The following ZFPM2 variants were observed in gnomAD, a reference collection of about 807,000 sequenced individuals.
The protein encoded by ZFPM2 is zinc finger protein ZFPM2.
A neutral mutation model predicts 98.6 loss-of-function variants in ZFPM2; 20 were observed. That is an observed-to-expected ratio of 0.20 (90% CI 0.14 to 0.29). The LOEUF (loss-of-function observed/expected upper bound fraction) is 0.29, where lower values mean the gene tolerates loss of function less well. Ranked by LOEUF, ZFPM2 falls within the 10% of genes least tolerant of loss-of-function variation. The pLI, the probability that ZFPM2 is intolerant of heterozygous loss-of-function variation, is 1.00. For synonymous variants in ZFPM2, 518 were observed against 502.7 expected, an observed-to-expected ratio of 1.03 and a Z score of -0.41; for missense variants, 1,310 against 1,388.6, an observed-to-expected ratio of 0.94 and a Z score of 0.90.
At position 105,557,204 on chromosome 8, in the gene ZFPM2, T is replaced by C. The variant is rs370286312; in HGVS notation, c.302-4159T>C. On this transcript the variant is annotated intron_variant, in intron 3 of 7. Coordinates refer to ENST00000407775, the MANE Select transcript of ZFPM2 (RefSeq NM_012082.4). ...GCATCACTATGCCTTTGAAGGTCTT[T>C]AGAATTCTGTCCTAGGTCTTCTTAT... Among the ~76,000 whole-genome samples, 102 of 152,278 alleles carry C rather than the reference T, an allele frequency of 6.7e-4. 1 individual carries two copies. The highest frequency in any genetic ancestry group is 2.3e-3 in the African/African-American group (97 of 41,550).
At chr8:105,598,979 G>T (rs1816032632) in intron 4 of ZFPM2, among the ~76,000 whole-genome samples, 1 of 152,140 alleles carries the variant, frequency 6.6e-6, no homozygotes, top group Admixed American at 6.6e-5. Context: ...TTGATTAAAT[G>T]AGTCTATTCC....
At chr8:105,792,201 T>C (rs1231100025) in intron 6 of ZFPM2, among the ~76,000 whole-genome samples, 10 of 152,242 alleles carry the variant, frequency 6.6e-5, no homozygotes, top group Non-Finnish European at 1.5e-4. Context: ...ATTTTGGATC[T>C]TTCCTGCTTT....
At chr8:105,591,751 A>G (rs897411910) in intron 4 of ZFPM2, among the ~76,000 whole-genome samples, 5 of 152,222 alleles carry the variant, frequency 3.3e-5, no homozygotes, top group African/African-American at 1.2e-4. Flanking sequence ...TGCTAAAATA[A>G]CACAAGCAGT....
intron 1 of ZFPM2, among the ~76,000 whole-genome samples, chr8:105,416,555 A>T (rs1172868115): frequency 6.6e-6 from 1 of 151,862 alleles, no homozygotes; most frequent in Non-Finnish European, 1.5e-5. Flanking sequence ...ATATATGAAA[A>T]TATCTGTTGG....
At chr8:105,433,994 A>G (rs1244582295) in intron 2 of ZFPM2, among the ~76,000 whole-genome samples, 3 of 152,182 alleles carry the variant, frequency 2.0e-5, no homozygotes, top group Admixed American at 6.6e-5. Flanking sequence ...TCAGATAGGA[A>G]AGCCCCAAAT....
intron 1 of ZFPM2, 50 bp from the exon 2 acceptor site, chr8:105,419,094 A>C (rs1167710512): frequency 6.4e-7 from 1 of 1,573,826 alleles, no homozygotes; most frequent in Non-Finnish European, 8.6e-7. Context: ...ATTTTATTTC[A>C]CTGTCTTCCT....
chr8:105,555,672 C>T (rs775917826), intron 3 of ZFPM2, among the ~76,000 whole-genome samples: 16 of 152,032 alleles, frequency 1.1e-4, no homozygotes, highest in Non-Finnish European at 8.8e-5. Flanking sequence ...GAGAAACCTA[C>T]TAGGGAATAA....
intron 3 of ZFPM2, among the ~76,000 whole-genome samples, chr8:105,503,269 G>T (rs1300984199): frequency 1.3e-5 from 2 of 152,244 alleles, no homozygotes; most frequent in African/African-American, 4.8e-5. Flanking sequence ...ACTCGAAGAG[G>T]GTAGAAGAGG....
At chr8:105,486,608 C>A (rs1245494912) in intron 3 of ZFPM2, among the ~76,000 whole-genome samples, 1 of 151,898 alleles carries the variant, frequency 6.6e-6, no homozygotes, top group South Asian at 2.1e-4. Context: ...CCAAACTGTG[C>A]GGGAAAAGAA....
At chr8:105,551,891 A>G (rs1373845117) in intron 3 of ZFPM2, among the ~76,000 whole-genome samples, 1 of 152,208 alleles carries the variant, frequency 6.6e-6, no homozygotes, top group African/African-American at 2.4e-5. Context: ...CACAGGATCT[A>G]GCACGTCTAC....
chr8:105,659,675 A>G (rs1258618368), intron 5 of ZFPM2, among the ~76,000 whole-genome samples: 1 of 152,230 alleles, frequency 6.6e-6, no homozygotes, highest in African/African-American at 2.4e-5. Context: ...AAAGAATAGA[A>G]GAACTCAGAC....
chr8:105,666,562 G>C (rs1379325380), intron 5 of ZFPM2, among the ~76,000 whole-genome samples: 1 of 152,210 alleles, frequency 6.6e-6, no homozygotes, highest in Admixed American at 6.5e-5. Flanking sequence ...TGGTCCTTCA[G>C]ATAGACCTGC....
intron 1 of ZFPM2, among the ~76,000 whole-genome samples, chr8:105,409,792 G>A (rs1332281024): frequency 6.6e-6 from 1 of 151,842 alleles, no homozygotes; most frequent in Non-Finnish European, 1.5e-5. Context: ...ATCCCACAGA[G>A]TTTCTGAAAT....
chr8:105,349,070 A>T (rs1812593926), intron 1 of ZFPM2, among the ~76,000 whole-genome samples: 1 of 152,190 alleles, frequency 6.6e-6, no homozygotes, highest in Non-Finnish European at 1.5e-5. Flanking sequence ...GAGCCCAAGG[A>T]GCCTGGGTTT....
intron 2 of ZFPM2, among the ~76,000 whole-genome samples, chr8:105,424,011 G>A (rs139254349): frequency 1.9e-3 from 288 of 152,244 alleles, no homozygotes; most frequent in African/African-American, 6.5e-3. Flanking sequence ...CTCAGGTGAG[G>A]GGGGTGAGGG....
intron 5 of ZFPM2, among the ~76,000 whole-genome samples, chr8:105,714,140 G>A (rs1291445734): frequency 6.6e-6 from 1 of 152,056 alleles, no homozygotes; most frequent in Non-Finnish European, 1.5e-5. Context: ...TCTTTCAGCA[G>A]TGTTTATAAT....
intron 5 of ZFPM2, among the ~76,000 whole-genome samples, chr8:105,682,203 A>G (rs1252582634): frequency 6.6e-6 from 1 of 152,162 alleles, no homozygotes; most frequent in African/African-American, 2.4e-5. Context: ...GAGGAAACAC[A>G]AAGCCAGGAA....
intron 3 of ZFPM2, among the ~76,000 whole-genome samples, chr8:105,502,007 AAAAT>A (rs2130474834): frequency 6.6e-6 from 1 of 152,256 alleles, no homozygotes; most frequent in Non-Finnish European, 1.5e-5. Flanking sequence ...TACTGTATAT[AAAAT>A]AAATATACAT....
At chr8:105,413,303 A>G (rs1586354343) in intron 1 of ZFPM2, among the ~76,000 whole-genome samples, 2 of 151,836 alleles carry the variant, frequency 1.3e-5, no homozygotes, top group East Asian at 1.9e-4. Flanking sequence ...GAAAAGTTAT[A>G]TTTTAACTCC....
Sources: allele counts gnomAD v4.1 joint callset (sites outside exome capture counted in the v4.1 genomes callset), GRCh38; gene constraint gnomAD v4.1.1; transcripts MANE v1.5; gene names NCBI Gene and HGNC (gene_info 2026-07-23, HGNC 2026-07-21).